LRPPRC: variants seen among roughly 807,000 people sequenced by gnomAD.
LRPPRC encodes leucine-rich PPR motif-containing protein, mitochondrial.
LRPPRC carries 120 observed loss-of-function variants against 180.3 expected under a neutral mutation model. The ratio of observed to expected loss-of-function variants is 0.67; its 90% CI spans 0.57 to 0.77. LRPPRC has a LOEUF of 0.77. LRPPRC is among the 30% of genes least tolerant of loss of function. The probability of loss-of-function intolerance (pLI) is 0.00; values close to 1 mark genes in which losing one functional copy is unlikely to be tolerated. For missense variants in LRPPRC, 2,012 were observed against 1,657.2 expected, an observed-to-expected ratio of 1.21 and a Z score of -3.72; for synonymous variants, 723 against 600.0, an observed-to-expected ratio of 1.21 and a Z score of -3.00.
intron 16 of LRPPRC, among the ~76,000 whole-genome samples, chr2:43,949,041 G>A (rs920883605): frequency 9.9e-5 from 15 of 152,162 alleles, no homozygotes; most frequent in Non-Finnish European, 2.1e-4. Context: ...AAGATGTTTT[G>A]TAACAACAGT....
chr2:43,931,074 T>C (rs1377484535), intron 25 of LRPPRC, among the ~76,000 whole-genome samples: 4 of 152,140 alleles, frequency 2.6e-5, no homozygotes, highest in Non-Finnish European at 5.9e-5. Context: ...TTAAATGATG[T>C]ATGAAATGTT....
chr2:43,992,913 G>T (rs781457323), intron 1 of LRPPRC, among the ~76,000 whole-genome samples: 5 of 152,286 alleles, frequency 3.3e-5, no homozygotes, highest in Non-Finnish European at 7.4e-5. Context: ...AGATAGGTAA[G>T]TAATGCCCTG....
At chr2:43,965,526 A>G (rs1278144347) in intron 11 of LRPPRC, among the ~76,000 whole-genome samples, 4 of 152,224 alleles carry the variant, frequency 2.6e-5, no homozygotes, top group African/African-American at 9.6e-5. Flanking sequence ...AACCACATCT[A>G]ACTAAAAAGC....
chr2:43,907,533 C>T (rs966868150), intron 30 of LRPPRC, among the ~76,000 whole-genome samples: 1 of 151,920 alleles, frequency 6.6e-6, no homozygotes, highest in Non-Finnish European at 1.5e-5. Flanking sequence ...TCCAATAACC[C>T]TATTGGCTGT....
intron 13 of LRPPRC, chr2:43,959,280 T>A: frequency 1.4e-6 from 1 of 702,368 alleles, no homozygotes; most frequent in South Asian, 1.5e-5. Flanking sequence ...CCAGCAATAA[T>A]ACTCAATATT....
At position 43,947,349 on chromosome 2, in the gene LRPPRC, C is replaced by G; in HGVS notation, c.1987G>C (p.Glu663Gln). The G allele has an allele frequency of 6.3e-7, 1 of 1,591,980 alleles. No individual in the cohort carries two copies. Residue 663 changes from glutamate (E) to glutamine (Q), a missense_variant, in exon 20 of 38, where the codon GAA (glutamate) becomes CAA (glutamine). By Grantham distance (29) the Glu-to-Gln change is conservative. Transcript: ENST00000260665. ...AGTGTTTCAAGTGTGGACTCCAATT[C>G]AGATGATGTAAGTTGCACAGTCTAC... Reference protein sequence around the residue: ...FQKTVQLTSSELESTLETLKA... With the variant: ...FQKTVQLTSSQLESTLETLKA...
intron 3 of LRPPRC, among the ~76,000 whole-genome samples, chr2:43,978,231 T>G (rs574279690): frequency 6.6e-6 from 1 of 152,144 alleles, no homozygotes; most frequent in Non-Finnish European, 1.5e-5. Context: ...AAAGATCTCT[T>G]GTATCTTTAT....
At chr2:43,957,256 G>A in intron 14 of LRPPRC, 129 bp downstream of exon 14, 2 of 749,538 alleles carry the variant, frequency 2.7e-6, no homozygotes, top group Middle Eastern at 2.3e-4. Context: ...ACAAGCAAAG[G>A]TTATTTCAGG....
intron 1 of LRPPRC, among the ~76,000 whole-genome samples, chr2:43,988,550 G>C (rs1158730176): frequency 2.0e-5 from 3 of 152,146 alleles, no homozygotes; most frequent in Admixed American, 2.0e-4. Flanking sequence ...AGAAAGAAAA[G>C]AGACGCCACT....
In LRPPRC at chr2:43,978,057, T is replaced by C. The variant is rs112333773; in HGVS notation, c.470-781A>G. Among the ~76,000 whole-genome samples, 716 of 152,262 alleles carry C rather than the reference T, an allele frequency of 4.7e-3. 5 individuals carry two copies. Among genetic ancestry groups the C allele is most frequent in the African/African-American group, 0.016 (675 of 41,558 alleles). On this transcript the variant is annotated intron_variant, in intron 3 of 37. Transcript: ENST00000260665. ...ATACACATTTTTATCTTAACAGATATGTTTCTTTCATACTATGTTTCAGGC... is the reference window on the plus strand; with the variant it reads ...ATACACATTTTTATCTTAACAGATACGTTTCTTTCATACTATGTTTCAGGC...
chr2:43,990,032 G>T (rs1674701360), intron 1 of LRPPRC, among the ~76,000 whole-genome samples: 1 of 151,906 alleles, frequency 6.6e-6, no homozygotes, highest in Admixed American at 6.6e-5. Context: ...GGCCAACATG[G>T]CAATGGCAAA....
At position 43,976,985 on chromosome 2, in the gene LRPPRC, G is replaced by C. The variant is rs780448888; in HGVS notation, c.650+9C>G. On this transcript the variant is annotated intron_variant, in intron 5 of 37. Transcript: ENST00000260665. ...TTGTTCGCTTAAACATGTTCATACA[G>C]ATCCATACCTGGCACCTTCAATATC... is the stretch of plus-strand genomic sequence containing the variant. 1 of 1,609,570 alleles carries C rather than the reference G, an allele frequency of 6.2e-7. No homozygotes were observed. Among genetic ancestry groups the C allele is most frequent in the African/African-American group, 1.3e-5 (1 of 74,934 alleles).
At chr2:43,993,005 G>C (rs895476228) in intron 1 of LRPPRC, among the ~76,000 whole-genome samples, 13 of 152,120 alleles carry the variant, frequency 8.5e-5, no homozygotes, top group East Asian at 5.8e-4. Context: ...AAGAACATCA[G>C]CATTTAATAG....
chr2:43,918,783 A>ATATATAGATATATATATATC (rs1572917869), intron 27 of LRPPRC, among the ~76,000 whole-genome samples: 6 of 35,264 alleles, frequency 1.7e-4, no homozygotes, highest in East Asian at 0.2. Flanking sequence ...GGAAATATAT[A>ATATATAGATATATATATATC]TATATATAGA....
intron 27 of LRPPRC, among the ~76,000 whole-genome samples, chr2:43,920,712 G>A (rs1333234108): frequency 1.3e-5 from 2 of 151,316 alleles, no homozygotes; most frequent in Non-Finnish European, 2.9e-5. Context: ...CCAAGCCTCT[G>A]AATCTTTATT....
intron 37 of LRPPRC, among the ~76,000 whole-genome samples, chr2:43,889,088 G>A (rs1558882757): frequency 6.6e-6 from 1 of 152,196 alleles, no homozygotes; most frequent in African/African-American, 2.4e-5. Flanking sequence ...AGGCCGAGGT[G>A]GGCGGATCAC....
At chr2:43,916,588 A>T (rs953215169) in intron 29 of LRPPRC, among the ~76,000 whole-genome samples, 4 of 152,204 alleles carry the variant, frequency 2.6e-5, no homozygotes, top group Non-Finnish European at 4.4e-5. Flanking sequence ...ATTTTCAAAA[A>T]ATACTTTTAA....
At chr2:43,993,459 G>C (rs1422419726) in intron 1 of LRPPRC, among the ~76,000 whole-genome samples, 1 of 152,116 alleles carries the variant, frequency 6.6e-6, no homozygotes, top group African/African-American at 2.4e-5. Context: ...GCAGTGGATA[G>C]GAAAGTGAAT....
intron 25 of LRPPRC, among the ~76,000 whole-genome samples, chr2:43,929,171 A>G (rs1279979160): frequency 6.6e-6 from 1 of 152,188 alleles, no homozygotes; most frequent in Non-Finnish European, 1.5e-5. Context: ...TACAGTACAT[A>G]ACAAGCAATT....
Sources: gnomAD v4.1 joint callset for allele counts (sites outside exome capture counted in the v4.1 genomes callset) on GRCh38, gnomAD v4.1.1 for gene constraint, MANE v1.5 for transcripts, NCBI Gene and HGNC (gene_info 2026-07-23, HGNC 2026-07-21) for gene names.